The following SOX5 variants were observed in gnomAD, a reference collection of about 807,000 sequenced individuals.
The protein encoded by SOX5 is SRY-box transcription factor 5.
A neutral mutation model predicts 92.0 loss-of-function variants in SOX5; 9 were observed. The ratio of observed to expected loss-of-function variants is 0.10; its 90% CI spans 0.06 to 0.17. The LOEUF (loss-of-function observed/expected upper bound fraction) is 0.17, where lower values mean the gene tolerates loss of function less well. Among genes scored for constraint, SOX5 ranks in the 10% least tolerant of loss-of-function variants. SOX5 has a pLI of 1.00. For synonymous variants in SOX5, 344 were observed against 336.3 expected (o/e 1.02, Z -0.25); for missense variants, 642 against 944.5 (o/e 0.68, Z 4.20).
intron 4 of SOX5, among the ~76,000 whole-genome samples, chr12:24,017,048 G>A (rs1425385357): frequency 2.0e-5 from 3 of 152,176 alleles, no homozygotes; most frequent in Non-Finnish European, 4.4e-5. Flanking sequence ...TTAACTGACT[G>A]TATACAGTGT....
intron 4 of SOX5, among the ~76,000 whole-genome samples, chr12:24,202,701 G>A (rs1038245550): frequency 2.0e-5 from 3 of 152,004 alleles, no homozygotes; most frequent in Admixed American, 1.3e-4. Context: ...TCCCTTTTGG[G>A]TTGTCTGATA....
At chr12:23,585,924 G>A (rs969226316) in intron 9 of SOX5, among the ~76,000 whole-genome samples, 15 of 152,136 alleles carry the variant, frequency 9.9e-5, no homozygotes, top group East Asian at 7.7e-4. Context: ...AGATTCACGG[G>A]CTATGTAAAT....
In SOX5 at chr12:24,339,743, GAC is replaced by G. The variant is rs1460356464; in HGVS notation, c.-174+28818_-174+28819del. Reference sequence around the variant, plus strand: ...GGATGTGACAGAAGTGGATATTTGAGACACAATGGTAATCAGATGTAGGAGGT... The same window carrying G: ...GGATGTGACAGAAGTGGATATTTGAGACAATGGTAATCAGATGTAGGAGGT... On this transcript the variant is annotated intron_variant, in intron 2 of 4. Transcript: ENST00000446891. Among the ~76,000 whole-genome samples, 4 of 152,344 alleles carry G rather than the reference GAC, an allele frequency of 2.6e-5. No homozygotes were observed. The East Asian group carries it at 7.7e-4, about 29-fold the overall frequency.
At chr12:24,389,043 T>G (rs1270471225) in intron 1 of SOX5, among the ~76,000 whole-genome samples, 2 of 152,048 alleles carry the variant, frequency 1.3e-5, no homozygotes, top group Non-Finnish European at 2.9e-5. Context: ...GCCATGCTGG[T>G]GTGCTGCACC....
intron 4 of SOX5, among the ~76,000 whole-genome samples, chr12:24,191,100 T>G (rs1956481550): frequency 6.6e-6 from 1 of 152,180 alleles, no homozygotes; most frequent in South Asian, 2.1e-4. Context: ...CCACCGCACC[T>G]GGCTTTAAAT....
intron 4 of SOX5, among the ~76,000 whole-genome samples, chr12:24,052,074 C>T (rs1018916728): frequency 1.4e-4 from 22 of 152,118 alleles, no homozygotes; most frequent in African/African-American, 5.3e-4. Flanking sequence ...CCTTACTTGA[C>T]GTTCCTTCCG....
chr12:24,378,891 G>A (rs1596082179), intron 1 of SOX5, among the ~76,000 whole-genome samples: 2 of 152,286 alleles, frequency 1.3e-5, no homozygotes, highest in African/African-American at 4.8e-5. Context: ...TGGCCCCACC[G>A]GGCCAGCCAT....
chr12:24,221,494 T>C (rs944027668), intron 3 of SOX5, among the ~76,000 whole-genome samples: 1 of 152,236 alleles, frequency 6.6e-6, no homozygotes, highest in African/African-American at 2.4e-5. Flanking sequence ...TAAGTGTCTC[T>C]TGACAAATCT....
intron 3 of SOX5, among the ~76,000 whole-genome samples, chr12:24,234,308 A>G (rs1049952744): frequency 6.6e-6 from 1 of 152,222 alleles, no homozygotes; most frequent in African/African-American, 2.4e-5. Context: ...CCATATAAAC[A>G]ATACAATTTT....
In SOX5 at chr12:24,284,317, C is replaced by G. The variant is rs372295397; in HGVS notation, c.-173-7005G>C. Reference sequence around the variant, plus strand: ...GCTAATCCCTGGTGTAGGCTGATCCCTGGAGGTCAAGTTTCTCAGGCTTCT... The same window carrying G: ...GCTAATCCCTGGTGTAGGCTGATCCGTGGAGGTCAAGTTTCTCAGGCTTCT... On this transcript the variant is annotated intron_variant, in intron 2 of 4. Coordinates refer to the SOX5 transcript ENST00000446891. 2.0e-5 allele frequency among the ~76,000 whole-genome samples: 3 copies of G among 152,056 alleles called. No homozygotes were observed. In the South Asian group the frequency reaches 6.2e-4, roughly 32 times the overall value.
chr12:24,295,915 C>G (rs1048249417), intron 2 of SOX5, among the ~76,000 whole-genome samples: 1 of 152,024 alleles, frequency 6.6e-6, no homozygotes, highest in Non-Finnish European at 1.5e-5. Flanking sequence ...TAATATGCTG[C>G]CTATAGACTA....
chr12:24,433,986 A>G (rs1026893087), intron 1 of SOX5, among the ~76,000 whole-genome samples: 70 of 152,204 alleles, frequency 4.6e-4, no homozygotes, highest in African/African-American at 1.6e-3. Flanking sequence ...GGCCAATGGC[A>G]TTGCCTCAGG....
chr12:24,175,298 G>T (rs1037156173), intron 4 of SOX5, among the ~76,000 whole-genome samples: 5 of 152,178 alleles, frequency 3.3e-5, no homozygotes, highest in African/African-American at 1.2e-4. Flanking sequence ...ATATCTAAGT[G>T]GGGAACCCCA....
At chr12:23,629,085 G>C (rs1239381982) in intron 8 of SOX5, among the ~76,000 whole-genome samples, 4 of 151,972 alleles carry the variant, frequency 2.6e-5, no homozygotes, top group Non-Finnish European at 5.9e-5. Flanking sequence ...ATATGAAACA[G>C]CACGCTTCTC....
intron 4 of SOX5, among the ~76,000 whole-genome samples, chr12:23,750,322 TTCAC>T (rs1460544916): frequency 1.3e-5 from 2 of 151,910 alleles, no homozygotes; most frequent in African/African-American, 4.8e-5. Flanking sequence ...TAAGAAGATG[TTCAC>T]TAAGTGGCAG....
chr12:24,347,557 A>C (rs904650552), intron 2 of SOX5, among the ~76,000 whole-genome samples: 1 of 152,202 alleles, frequency 6.6e-6, no homozygotes, highest in Non-Finnish European at 1.5e-5. Flanking sequence ...TTGAAATCAG[A>C]GTTATCAATT....
At chr12:24,478,849 C>T (rs1945664756) in intron 1 of SOX5, among the ~76,000 whole-genome samples, 1 of 152,196 alleles carries the variant, frequency 6.6e-6, no homozygotes, top group Admixed American at 6.5e-5. Flanking sequence ...CTTATATATG[C>T]CAAATGAAAC....
intron 4 of SOX5, among the ~76,000 whole-genome samples, chr12:24,097,954 A>G (rs1011571003): frequency 6.7e-6 from 1 of 150,200 alleles, no homozygotes; most frequent in Non-Finnish European, 1.5e-5. Flanking sequence ...ATTTTTTCAG[A>G]GAAGTTCTGA....
chr12:23,581,903 T>C (rs1158259466), intron 9 of SOX5, among the ~76,000 whole-genome samples: 1 of 151,648 alleles, frequency 6.6e-6, no homozygotes, highest in Non-Finnish European at 1.5e-5. Flanking sequence ...AATATATATA[T>C]ATATATGTAT....
Sources: gnomAD v4.1 joint callset for allele counts (sites outside exome capture counted in the v4.1 genomes callset) on GRCh38, gnomAD v4.1.1 for gene constraint, MANE v1.5 for transcripts, NCBI Gene and HGNC (gene_info 2026-07-23, HGNC 2026-07-21) for gene names.